Variants in RIPOR2 observed in about 807,000 individuals in gnomAD.
The protein encoded by RIPOR2 is rho family-interacting cell polarization regulator 2.
A neutral mutation model predicts 114.5 loss-of-function variants in RIPOR2; 39 were observed. The observed-to-expected ratio is 0.34, with a 90% CI of 0.26 to 0.44. RIPOR2 has a LOEUF of 0.44. Among genes scored for constraint, RIPOR2 ranks in the 20% least tolerant of loss-of-function variants. The pLI, the probability that RIPOR2 is intolerant of heterozygous loss-of-function variation, is 1.00. For synonymous variants in RIPOR2, 445 were observed against 484.4 expected, an observed-to-expected ratio of 0.92 and a Z score of 1.07; for missense variants, 1,007 against 1,255.1, an observed-to-expected ratio of 0.80 and a Z score of 2.99.
chr6:25,012,103 T>C (rs1411074369), intron 1 of RIPOR2, among the ~76,000 whole-genome samples: 1 of 152,206 alleles, frequency 6.6e-6, no homozygotes, highest in South Asian at 2.1e-4. Context: ...AAAGGAGATA[T>C]GCAAATGGCT....
At chr6:24,953,252 G>C (rs1460884008) in intron 1 of RIPOR2, among the ~76,000 whole-genome samples, 1 of 152,200 alleles carries the variant, frequency 6.6e-6, no homozygotes, top group Admixed American at 6.5e-5. Context: ...AGACTCTCTT[G>C]AACCCGGGAG....
chr6:24,822,580 G>A (rs1267187073), intron 19 of RIPOR2, among the ~76,000 whole-genome samples: 4 of 152,062 alleles, frequency 2.6e-5, no homozygotes, highest in African/African-American at 9.7e-5. Context: ...GTGCAATGGT[G>A]CGATCTCAGG....
intron 1 of RIPOR2, among the ~76,000 whole-genome samples, chr6:24,908,250 C>T (rs1348623829): frequency 1.3e-5 from 2 of 152,208 alleles, no homozygotes; most frequent in African/African-American, 2.4e-5. Context: ...TCACCACTTC[C>T]TCCCAAGAAA....
In RIPOR2 at chr6:24,955,989, G is replaced by A. The variant is rs370003392; in HGVS notation, c.77-80172C>T. Among the ~76,000 whole-genome samples, 208 of 137,882 alleles carry A rather than the reference G, an allele frequency of 1.5e-3. 1 individual carries two copies. Among genetic ancestry groups the A allele is most frequent in the African/African-American group, 4.6e-3 (169 of 36,576 alleles). 90.5% of individuals were successfully genotyped at this position (137,882 alleles called of 152,430 possible). ...GCAGCAACCGCACTCCAGCCTGGGC[G>A]ACAGAGTGAGACTCTGTCTCAAAAA... On this transcript the variant is annotated intron_variant, in intron 1 of 13. Coordinates refer to the RIPOR2 transcript ENST00000510784.
intron 1 of RIPOR2, among the ~76,000 whole-genome samples, chr6:24,896,983 G>T (rs1041317618): frequency 6.6e-6 from 1 of 152,178 alleles, no homozygotes. Context: ...CAGAAGGAAT[G>T]ATTTTTAAGA....
At chr6:24,929,332 C>A (rs545987333) in intron 1 of RIPOR2, 1 of 152,082 alleles carries the variant, frequency 6.6e-6, no homozygotes, top group Non-Finnish European at 1.5e-5. Flanking sequence ...GCTCTTGACA[C>A]GTCCCTCTTC....
intron 1 of RIPOR2, among the ~76,000 whole-genome samples, chr6:24,977,615 T>C (rs1561821142): frequency 6.6e-6 from 1 of 152,136 alleles, no homozygotes; most frequent in Non-Finnish European, 1.5e-5. Flanking sequence ...ATTTTCTAGT[T>C]TTGCTAATAA....
chr6:24,983,752 G>A (rs960514827), intron 1 of RIPOR2, among the ~76,000 whole-genome samples: 2 of 42,574 alleles, frequency 4.7e-5, no homozygotes, highest in Non-Finnish European at 8.8e-5. Flanking sequence ...ACGAGACTGT[G>A]TCTCAAAAAA....
intron 1 of RIPOR2, among the ~76,000 whole-genome samples, chr6:24,997,596 C>T (rs1775102683): frequency 6.6e-6 from 1 of 152,198 alleles, no homozygotes; most frequent in South Asian, 2.1e-4. Flanking sequence ...CCCCTACCCA[C>T]TAGATGCCAG....
chr6:24,917,697 T>C (rs1022899826), intron 1 of RIPOR2, among the ~76,000 whole-genome samples: 1 of 152,056 alleles, frequency 6.6e-6, no homozygotes, highest in African/African-American at 2.4e-5. Context: ...GCCTGGCTAA[T>C]GTTTTGTATT....
intron 1 of RIPOR2, among the ~76,000 whole-genome samples, chr6:24,935,338 A>G (rs1771711817): frequency 6.7e-6 from 1 of 148,752 alleles, no homozygotes; most frequent in Admixed American, 6.7e-5. Flanking sequence ...AAAAAAAAAA[A>G]AAAGAGAAGG....
chr6:24,951,240 G>A (rs558126464), intron 1 of RIPOR2, among the ~76,000 whole-genome samples: 6 of 152,266 alleles, frequency 3.9e-5, no homozygotes, highest in African/African-American at 1.4e-4. Context: ...ATTAGGCAGA[G>A]GAACTACCAT....
intron 1 of RIPOR2, among the ~76,000 whole-genome samples, chr6:24,900,427 A>G (rs905966407): frequency 4.6e-5 from 7 of 152,230 alleles, no homozygotes; most frequent in Non-Finnish European, 7.3e-5. Flanking sequence ...CTTTTATAAT[A>G]ATATAAAACA....
upstream of RIPOR2, among the ~76,000 whole-genome samples, chr6:24,939,257 C>T (rs1362545636): frequency 6.6e-6 from 1 of 152,086 alleles, no homozygotes; most frequent in Non-Finnish European, 1.5e-5. Context: ...TATGTAAAGT[C>T]TAAAAGAATG....
intron 1 of RIPOR2, among the ~76,000 whole-genome samples, chr6:24,892,000 A>G (rs1316801668): frequency 6.6e-6 from 1 of 152,232 alleles, no homozygotes; most frequent in Non-Finnish European, 1.5e-5. Context: ...CTGGGACTAT[A>G]GGTGCGTGCC....
At chr6:24,991,288 T>C (rs1397789521) in intron 1 of RIPOR2, among the ~76,000 whole-genome samples, 1 of 152,232 alleles carries the variant, frequency 6.6e-6, no homozygotes, top group Non-Finnish European at 1.5e-5. Flanking sequence ...TCACCCTACT[T>C]GCTTTCTATC....
intron 1 of RIPOR2, among the ~76,000 whole-genome samples, chr6:24,892,800 G>A (rs1367159751): frequency 6.6e-6 from 1 of 152,136 alleles, no homozygotes; most frequent in Non-Finnish European, 1.5e-5. Flanking sequence ...AGCAAGAGAG[G>A]CAATGTGTGG....
intron 1 of RIPOR2, among the ~76,000 whole-genome samples, chr6:24,895,910 G>A (rs1767824193): frequency 6.6e-6 from 1 of 152,166 alleles, no homozygotes; most frequent in South Asian, 2.1e-4. Context: ...AGAATGGCGT[G>A]AACCCGGGAG....
intron 1 of RIPOR2, among the ~76,000 whole-genome samples, chr6:24,961,175 G>A (rs1773288989): frequency 6.6e-6 from 1 of 152,138 alleles, no homozygotes; most frequent in African/African-American, 2.4e-5. Context: ...TACAAGACAG[G>A]ATATGACCAG....
Sources: allele counts gnomAD v4.1 joint callset (sites outside exome capture counted in the v4.1 genomes callset), GRCh38; gene constraint gnomAD v4.1.1; transcripts MANE v1.5; gene names NCBI Gene and HGNC (gene_info 2026-07-23, HGNC 2026-07-21).